ATL3: variants seen among roughly 807,000 people sequenced by gnomAD.
ATL3 encodes the protein atlastin GTPase 3.
In ATL3, 49 loss-of-function variants were observed where a neutral mutation model predicts 69.5. The observed-to-expected ratio is 0.71, with a 90% CI of 0.56 to 0.89. The LOEUF (loss-of-function observed/expected upper bound fraction) is 0.89. ATL3 is among the 40% of genes least tolerant of loss of function. The probability of loss-of-function intolerance (pLI) is 0.00; values close to 1 mark genes in which losing one functional copy is unlikely to be tolerated. For synonymous variants in ATL3, 214 were observed against 224.1 expected (o/e 0.95, Z 0.40); for missense variants, 606 against 645.7 (o/e 0.94, Z 0.67).
chr11:63,662,793 G>A (rs992432906), intron 1 of ATL3, among the ~76,000 whole-genome samples: 4 of 152,034 alleles, frequency 2.6e-5, no homozygotes, highest in African/African-American at 7.2e-5. Flanking sequence ...ATTTAAAGTC[G>A]ACTTAAGGAG....
chr11:63,667,484 G>C (rs188612315), intron 1 of ATL3, among the ~76,000 whole-genome samples: 1 of 152,012 alleles, frequency 6.6e-6, no homozygotes, highest in Non-Finnish European at 1.5e-5. Flanking sequence ...GAAGTGGGCC[G>C]GGTGCAATGG....
At chr11:63,648,897 C>A (rs1195416459) in intron 5 of ATL3, among the ~76,000 whole-genome samples, 1 of 151,892 alleles carries the variant, frequency 6.6e-6, no homozygotes, top group Non-Finnish European at 1.5e-5. Context: ...GCAGGCAGAT[C>A]ATTTCAGGTT....
At chr11:63,652,255 A>G (rs541724894) in intron 4 of ATL3, among the ~76,000 whole-genome samples, 34 of 152,250 alleles carry the variant, frequency 2.2e-4, no homozygotes, top group African/African-American at 7.5e-4. Context: ...CATTTTTTGG[A>G]CTTTTCTTGG....
At chr11:63,644,835 G>C (rs1264589857) in intron 6 of ATL3, among the ~76,000 whole-genome samples, 4 of 152,174 alleles carry the variant, frequency 2.6e-5, no homozygotes, top group Non-Finnish European at 5.9e-5. Flanking sequence ...ATGAGAAAAT[G>C]GTAAATTTGG....
intron 5 of ATL3, among the ~76,000 whole-genome samples, chr11:63,649,399 C>T (rs956707703): frequency 6.6e-6 from 1 of 152,000 alleles, no homozygotes; most frequent in African/African-American, 2.4e-5. Flanking sequence ...CTGCCTCAGC[C>T]TCCCAAAGTG....
At chr11:63,667,656 C>T (rs993230838) in intron 1 of ATL3, among the ~76,000 whole-genome samples, 1 of 150,856 alleles carries the variant, frequency 6.6e-6, no homozygotes, top group Admixed American at 6.7e-5. Flanking sequence ...CCCAGCTACT[C>T]GGGAGGCTGA....
chr11:63,629,493 C>T (rs751667861), intron 12 of ATL3, 88 bp from the exon 13 acceptor site: 9 of 1,131,428 alleles, frequency 8.0e-6, no homozygotes, highest in Non-Finnish European at 1.2e-5. Flanking sequence ...AAAAACCTGT[C>T]TCCATCATCG....
At chr11:63,669,942 C>T (rs555679505) in intron 1 of ATL3, among the ~76,000 whole-genome samples, 1 of 149,854 alleles carries the variant, frequency 6.7e-6, no homozygotes, top group South Asian at 2.2e-4. Context: ...AAACGAAACT[C>T]CGTCTCAAAA....
intron 1 of ATL3, among the ~76,000 whole-genome samples, chr11:63,667,635 A>C (rs980391953): frequency 5.9e-5 from 9 of 151,972 alleles, no homozygotes; most frequent in Non-Finnish European, 1.2e-4. Flanking sequence ...GTGGTGGTGC[A>C]TGACTGCAGT....
At chr11:63,669,595 T>A (rs923252645) in intron 1 of ATL3, among the ~76,000 whole-genome samples, 3 of 152,024 alleles carry the variant, frequency 2.0e-5, no homozygotes, top group Non-Finnish European at 1.5e-5. Context: ...ACCACATCTA[T>A]CCCGTTACTT....
intron 8 of ATL3, 54 bp from the exon 9 acceptor site, chr11:63,636,388 C>G: frequency 6.2e-7 from 1 of 1,608,386 alleles, no homozygotes; most frequent in African/African-American, 1.3e-5. Flanking sequence ...CTTATTCAAC[C>G]AAGGTGAACA....
intron 6 of ATL3, 50 bp downstream of exon 6, chr11:63,646,457 G>T: frequency 8.0e-7 from 1 of 1,252,546 alleles, no homozygotes; most frequent in Non-Finnish European, 1.1e-6. Context: ...TTGCCAATCT[G>T]TGAAAACAAA....
At chr11:63,665,134 T>C (rs1940536352) in intron 1 of ATL3, among the ~76,000 whole-genome samples, 1 of 151,894 alleles carries the variant, frequency 6.6e-6, no homozygotes, top group Admixed American at 6.6e-5. Flanking sequence ...TCACCTGAAG[T>C]CAGGAGTTCA....
chr11:63,632,339 C>T (rs1182782394), intron 11 of ATL3: 4 of 857,420 alleles, frequency 4.7e-6, no homozygotes, highest in Admixed American at 3.4e-5. Flanking sequence ...TCTGGACCAT[C>T]AATGGAGCCT....
At chr11:63,649,019 G>T (rs1939983086) in intron 5 of ATL3, among the ~76,000 whole-genome samples, 1 of 152,076 alleles carries the variant, frequency 6.6e-6, no homozygotes, top group Admixed American at 6.6e-5. Context: ...TACTCAGGAG[G>T]CTAAGGCAGC....
intron 6 of ATL3, 99 bp from the exon 7 acceptor site, chr11:63,644,360 G>T: frequency 1.4e-6 from 1 of 691,986 alleles, no homozygotes. Context: ...TTCTACAAAG[G>T]GGGTAAAGTA....
intron 3 of ATL3, among the ~76,000 whole-genome samples, chr11:63,655,239 C>T (rs745567180): frequency 1.3e-5 from 2 of 152,164 alleles, no homozygotes; most frequent in Non-Finnish European, 2.9e-5. Flanking sequence ...CAATCTCCGC[C>T]GCCCAGGTTC....
upstream of ATL3, chr11:63,671,662 G>C: frequency 1.4e-6 from 2 of 1,382,976 alleles, no homozygotes; most frequent in Non-Finnish European, 1.9e-6. Context: ...GAGTGCTACC[G>C]TCCTTTGGGA....
rs560871854 is a variant in ATL3 at position 63,635,737 on chromosome 11, T to C, written c.979-147A>G. 11 of 634,010 alleles carry C rather than the reference T, an allele frequency of 1.7e-5. 1 individual carries two copies. Among genetic ancestry groups the C allele is most frequent in the South Asian group, 3.9e-5 (2 of 50,960 alleles). The allele number at this position is 634,010 out of a possible 1,614,324, so 39.3% of individuals were successfully genotyped here. A position where few individuals can be genotyped will look rare whatever the true frequency, so the allele number is the denominator to read the frequency against. Reference sequence around the variant, plus strand: ...ATTAGCAAAAACACACCACACACCTTTGAGTGCATGTTAGCATTTTTAGTT... The same window carrying C: ...ATTAGCAAAAACACACCACACACCTCTGAGTGCATGTTAGCATTTTTAGTT... On this transcript the variant is annotated intron_variant, in intron 9 of 12. Coordinates refer to ENST00000398868, the MANE Select transcript of ATL3 (RefSeq NM_015459.5).
Sources: gnomAD v4.1 joint callset for allele counts (sites outside exome capture counted in the v4.1 genomes callset) on GRCh38, gnomAD v4.1.1 for gene constraint, MANE v1.5 for transcripts, NCBI Gene and HGNC (gene_info 2026-07-23, HGNC 2026-07-21) for gene names.